Variants in ASCC3 observed in about 807,000 individuals in gnomAD.
ASCC3 encodes ASC-1 complex subunit P200.
Under a neutral mutation model 256.3 loss-of-function variants are expected in ASCC3, and 158 were observed. The ratio of observed to expected loss-of-function variants is 0.62; its 90% CI spans 0.54 to 0.70. The LOEUF (loss-of-function observed/expected upper bound fraction) is 0.70, where lower values mean the gene tolerates loss of function less well. Ranked by LOEUF, ASCC3 falls within the 30% of genes least tolerant of loss-of-function variation. The pLI is 0.00. For missense variants in ASCC3, 2,259 were observed against 2,626.0 expected (o/e 0.86, Z 3.05); for synonymous variants, 948 against 883.4 (o/e 1.07, Z -1.30).
intron 4 of ASCC3, among the ~76,000 whole-genome samples, chr6:100,840,767 A>C (rs574002107): frequency 2.1e-4 from 32 of 152,156 alleles, no homozygotes; most frequent in Non-Finnish European, 4.0e-4. Flanking sequence ...ACTCCAAAAT[A>C]TTTGCAGTGA....
intron 3 of ASCC3, chr6:100,858,928 T>C: frequency 3.4e-6 from 2 of 586,670 alleles, no homozygotes; most frequent in South Asian, 2.1e-5. Flanking sequence ...GCCTTTAACC[T>C]CTTTTAATCT....
At chr6:100,572,954 A>G (rs1297626620) in intron 36 of ASCC3, among the ~76,000 whole-genome samples, 1 of 152,168 alleles carries the variant, frequency 6.6e-6, no homozygotes, top group Non-Finnish European at 1.5e-5. Context: ...ACATTGTTAC[A>G]TAAATAAAAG....
At chr6:100,767,485 C>T (rs1035264572) in intron 8 of ASCC3, 140 bp from the exon 9 acceptor site, 44 of 862,710 alleles carry the variant, frequency 5.1e-5, no homozygotes, top group African/African-American at 5.1e-4. Context: ...TTTATTTAAA[C>T]GGAGGTATAT....
chr6:100,525,180 AAAAG>A (rs1554187425), intron 37 of ASCC3, among the ~76,000 whole-genome samples: 5 of 147,750 alleles, frequency 3.4e-5, no homozygotes, highest in African/African-American at 1.2e-4. Flanking sequence ...AAAAAAAAAA[AAAAG>A]AAAGAAAGAA....
At chr6:100,868,585 G>C (rs563685495) in intron 1 of ASCC3, among the ~76,000 whole-genome samples, 1 of 152,296 alleles carries the variant, frequency 6.6e-6, no homozygotes, top group South Asian at 2.1e-4. Flanking sequence ...ATAGCACTAA[G>C]TAATATTTGA....
chr6:100,569,628 CCCT>C (rs1284744993), intron 36 of ASCC3, among the ~76,000 whole-genome samples: 2 of 152,118 alleles, frequency 1.3e-5, no homozygotes, highest in Non-Finnish European at 2.9e-5. Context: ...TCGTGATCCG[CCCT>C]CCTCAGCCTC....
chr6:100,728,148 C>T (rs1779725339), intron 10 of ASCC3, among the ~76,000 whole-genome samples: 1 of 151,588 alleles, frequency 6.6e-6, no homozygotes, highest in African/African-American at 2.4e-5. Context: ...TGCTATAGTG[C>T]TTAATATGCA....
At chr6:100,880,678 G>T (rs1295637315) in intron 1 of ASCC3, among the ~76,000 whole-genome samples, 1 of 152,102 alleles carries the variant, frequency 6.6e-6, no homozygotes, top group East Asian at 1.9e-4. Flanking sequence ...AAAATATGAG[G>T]AAGATTTCTT....
intron 4 of ASCC3, among the ~76,000 whole-genome samples, chr6:100,833,452 G>A (rs975652413): frequency 6.6e-6 from 1 of 152,076 alleles, no homozygotes; most frequent in Non-Finnish European, 1.5e-5. Context: ...TAATCTTACG[G>A]TAAACTATGG....
At chr6:100,830,546 T>C (rs1771572472) in intron 4 of ASCC3, among the ~76,000 whole-genome samples, 1 of 152,190 alleles carries the variant, frequency 6.6e-6, no homozygotes, top group African/African-American at 2.4e-5. Context: ...CTGTACCTCT[T>C]TGTGTTGCCT....
At chr6:100,771,866 G>GC (rs1781944891) in intron 8 of ASCC3, among the ~76,000 whole-genome samples, 1 of 91,820 alleles carries the variant, frequency 1.1e-5, no homozygotes, top group Non-Finnish European at 2.0e-5. Flanking sequence ...CAATCTGCAA[G>GC]TTTTTTTTTT....
At chr6:100,775,112 G>A (rs909472872) in intron 8 of ASCC3, among the ~76,000 whole-genome samples, 7 of 152,110 alleles carry the variant, frequency 4.6e-5, no homozygotes, top group African/African-American at 1.4e-4. Flanking sequence ...ATTACTGAAT[G>A]AAATAGCCAG....
intron 13 of ASCC3, among the ~76,000 whole-genome samples, chr6:100,690,189 C>A (rs1026995889): frequency 5.9e-5 from 9 of 152,032 alleles, no homozygotes; most frequent in African/African-American, 2.2e-4. Context: ...TATATCATAT[C>A]TTGATAATAC....
At chr6:100,562,830 T>C (rs942009080) in intron 36 of ASCC3, among the ~76,000 whole-genome samples, 1 of 152,068 alleles carries the variant, frequency 6.6e-6, no homozygotes, top group Admixed American at 6.6e-5. Flanking sequence ...TTGATAGATA[T>C]CAAATTTCCA....
At chr6:100,654,377 A>G (rs928584846) in intron 17 of ASCC3, among the ~76,000 whole-genome samples, 3 of 152,040 alleles carry the variant, frequency 2.0e-5, no homozygotes, top group Non-Finnish European at 4.4e-5. Context: ...TATACTGGAA[A>G]ATGAAAGGCA....
intron 4 of ASCC3, among the ~76,000 whole-genome samples, chr6:100,814,605 G>A (rs1484119278): frequency 6.6e-6 from 1 of 152,048 alleles, no homozygotes; most frequent in Non-Finnish European, 1.5e-5. Flanking sequence ...ATTTATCACT[G>A]ATTGAATTTC....
intron 13 of ASCC3, among the ~76,000 whole-genome samples, chr6:100,712,529 T>C (rs1455059056): frequency 6.6e-6 from 1 of 152,088 alleles, no homozygotes; most frequent in Non-Finnish European, 1.5e-5. Context: ...ATATCACTTG[T>C]CATTAGAAAA....
At chr6:100,820,522 G>T (rs189614846) in intron 4 of ASCC3, among the ~76,000 whole-genome samples, 21 of 152,096 alleles carry the variant, frequency 1.4e-4, no homozygotes, top group African/African-American at 4.8e-4. Flanking sequence ...GAGCTAAAAT[G>T]ATAAAACTCT....
intron 30 of ASCC3, among the ~76,000 whole-genome samples, chr6:100,624,873 AT>A (rs774768963): frequency 2.0e-5 from 3 of 151,886 alleles, no homozygotes; most frequent in African/African-American, 4.8e-5. Context: ...ATTATTATAT[AT>A]TTTTTAAAAC....
Sources: gnomAD v4.1 joint callset for allele counts (sites outside exome capture counted in the v4.1 genomes callset) on GRCh38, gnomAD v4.1.1 for gene constraint, MANE v1.5 for transcripts, NCBI Gene and HGNC (gene_info 2026-07-23, HGNC 2026-07-21) for gene names.